Variants in SGCZ observed in about 807,000 individuals in gnomAD.
SGCZ encodes sarcoglycan zeta, also known as zeta-sarcoglycan.
Under a neutral mutation model 41.3 loss-of-function variants are expected in SGCZ, and 40 were observed. That is an observed-to-expected ratio of 0.97 (90% CI 0.75 to 1.26). SGCZ has a LOEUF of 1.26. SGCZ is among the 50% of genes most tolerant of loss of function. The probability of loss-of-function intolerance (pLI) is 0.00; values close to 1 mark genes in which losing one functional copy is unlikely to be tolerated. For missense variants in SGCZ, 552 were observed against 369.8 expected, an observed-to-expected ratio of 1.49 and a Z score of -4.04; for synonymous variants, 206 against 137.5, an observed-to-expected ratio of 1.50 and a Z score of -3.49.
At chr8:15,000,647 C>G (rs1404878412) in intron 1 of SGCZ, among the ~76,000 whole-genome samples, 2 of 152,214 alleles carry the variant, frequency 1.3e-5, no homozygotes, top group East Asian at 3.9e-4. Flanking sequence ...GAGATGGCAC[C>G]GCTCAACTGG....
intron 2 of SGCZ, among the ~76,000 whole-genome samples, chr8:14,373,604 C>G (rs528684521): frequency 6.6e-6 from 1 of 152,006 alleles, no homozygotes; most frequent in African/African-American, 2.4e-5. Context: ...AAAACAAAAT[C>G]AAAAACAATT....
chr8:14,762,560 G>C (rs1464070578), intron 1 of SGCZ, among the ~76,000 whole-genome samples: 1 of 152,142 alleles, frequency 6.6e-6, no homozygotes, highest in Non-Finnish European at 1.5e-5. Context: ...ATTGCTGAGA[G>C]CTTTGTTAAT....
At chr8:15,098,867 C>T (rs149921054) in intron 1 of SGCZ, among the ~76,000 whole-genome samples, 2,052 of 152,172 alleles carry the variant, frequency 0.013, 54 homozygotes, top group East Asian at 0.11. Context: ...AAGACCAGCC[C>T]GGCCAACATG....
At chr8:14,161,177 A>G (rs1424303902) in intron 5 of SGCZ, 1 of 152,198 alleles carries the variant, frequency 6.6e-6, no homozygotes, top group Non-Finnish European at 1.5e-5. Flanking sequence ...AGTATATGTG[A>G]GGTTACTAGT....
At chr8:14,808,178 C>A (rs1801612352) in intron 1 of SGCZ, among the ~76,000 whole-genome samples, 1 of 152,156 alleles carries the variant, frequency 6.6e-6, no homozygotes, top group South Asian at 2.1e-4. Flanking sequence ...TGGGCAAGGA[C>A]TTCATGTCTA....
chr8:14,419,269 A>C (rs1799577009), intron 2 of SGCZ, among the ~76,000 whole-genome samples: 2 of 151,968 alleles, frequency 1.3e-5, no homozygotes, highest in Non-Finnish European at 2.9e-5. Context: ...TTAGACCAGA[A>C]AAAAATGTCC....
intron 1 of SGCZ, among the ~76,000 whole-genome samples, chr8:15,026,280 C>G (rs1803455024): frequency 6.6e-6 from 1 of 151,912 alleles, no homozygotes; most frequent in Non-Finnish European, 1.5e-5. Flanking sequence ...AAAGAAATAC[C>G]TAGGATGATA....
chr8:14,703,389 G>T (rs1009956657), intron 1 of SGCZ, among the ~76,000 whole-genome samples: 2 of 151,740 alleles, frequency 1.3e-5, no homozygotes, highest in Admixed American at 6.6e-5. Flanking sequence ...ATATTTGCAC[G>T]ACTTAGTCTT....
chr8:14,852,333 T>C (rs1803359305), intron 1 of SGCZ, among the ~76,000 whole-genome samples: 1 of 152,202 alleles, frequency 6.6e-6, no homozygotes, highest in South Asian at 2.1e-4. Context: ...TAATACTTTG[T>C]AAATAATTTA....
intron 1 of SGCZ, among the ~76,000 whole-genome samples, chr8:15,040,318 T>A (rs185078573): frequency 6.6e-6 from 1 of 152,182 alleles, no homozygotes; most frequent in African/African-American, 2.4e-5. Flanking sequence ...ATGGTCTTTT[T>A]AAAAAGTGAT....
chr8:14,096,265 G>C (rs1266794457), intron 7 of SGCZ, among the ~76,000 whole-genome samples: 3 of 152,052 alleles, frequency 2.0e-5, no homozygotes, highest in Non-Finnish European at 4.4e-5. Context: ...ATATTATTTT[G>C]AGATACATCC....
chr8:14,481,491 T>C (rs866816528), intron 2 of SGCZ, among the ~76,000 whole-genome samples: 20 of 152,294 alleles, frequency 1.3e-4, no homozygotes, highest in Middle Eastern at 3.4e-3. Context: ...TTTTTATCAA[T>C]CTCACAATAA....
intron 1 of SGCZ, among the ~76,000 whole-genome samples, chr8:14,847,801 A>C (rs1329460813): frequency 6.6e-6 from 1 of 150,934 alleles, no homozygotes; most frequent in Non-Finnish European, 1.5e-5. Flanking sequence ...AAAAAAAAAA[A>C]AAAAAAACCT....
At chr8:14,510,173 C>A (rs752834503) in intron 2 of SGCZ, among the ~76,000 whole-genome samples, 15 of 152,058 alleles carry the variant, frequency 9.9e-5, no homozygotes, top group African/African-American at 2.9e-4. Context: ...TTTACAAATA[C>A]CTAATAAGTT....
chr8:14,787,345 CTTTA>C (rs950727161), intron 1 of SGCZ, among the ~76,000 whole-genome samples: 5 of 151,738 alleles, frequency 3.3e-5, no homozygotes, highest in Admixed American at 3.3e-4. Flanking sequence ...GAATCTGGTG[CTTTA>C]TTTATTTCTT....
chr8:14,090,301 G>T lies in SGCZ; in HGVS notation c.*142C>A. On this transcript the variant is annotated 3_prime_UTR_variant, in exon 8 of 8. Transcript: ENST00000382080. Reference sequence around the variant, plus strand: ...ACAGTAAATCACAAGAGAAGGTGGTGGCGAATCCCTGCTCACACTGGAAGT... The same window carrying T: ...ACAGTAAATCACAAGAGAAGGTGGTTGCGAATCCCTGCTCACACTGGAAGT... The T allele has an allele frequency of 1.3e-6, 1 of 752,816 alleles. No individual in the cohort carries two copies. The highest frequency in any genetic ancestry group is 2.1e-6 in the Non-Finnish European group (1 of 483,088). 46.6% of individuals were successfully genotyped at this position (752,816 alleles called of 1,614,324 possible).
At chr8:14,303,372 A>G (rs1327879471) in intron 3 of SGCZ, among the ~76,000 whole-genome samples, 1 of 152,158 alleles carries the variant, frequency 6.6e-6, no homozygotes, top group East Asian at 1.9e-4. Context: ...CCAATCCCAC[A>G]AAAATTAAAT....
intron 2 of SGCZ, among the ~76,000 whole-genome samples, chr8:14,439,990 A>T (rs11786651): frequency 0.26 from 40,089 of 151,718 alleles, 5,685 homozygotes; most frequent in Admixed American, 0.33. Flanking sequence ...GACAAAAAAA[A>T]TTTTAACTAA....
At chr8:14,407,325 T>G (rs1799239503) in intron 2 of SGCZ, among the ~76,000 whole-genome samples, 1 of 152,098 alleles carries the variant, frequency 6.6e-6, no homozygotes, top group African/African-American at 2.4e-5. Context: ...GTTTCTTAAC[T>G]GTATGCCACA....
Sources: allele counts gnomAD v4.1 joint callset (sites outside exome capture counted in the v4.1 genomes callset), GRCh38; gene constraint gnomAD v4.1.1; transcripts MANE v1.5; gene names NCBI Gene and HGNC (gene_info 2026-07-23, HGNC 2026-07-21).